Variants in COL6A3 observed in about 807,000 individuals in gnomAD.
COL6A3 encodes the protein collagen alpha-3(VI) chain.
In COL6A3, 137 loss-of-function variants were observed where a neutral mutation model predicts 274.1. The ratio of observed to expected loss-of-function variants is 0.50; its 90% CI spans 0.44 to 0.58. The LOEUF (loss-of-function observed/expected upper bound fraction) is 0.58. COL6A3 is among the 20% of genes least tolerant of loss of function. The pLI, the probability that COL6A3 is intolerant of heterozygous loss-of-function variation, is 0.00. For synonymous variants in COL6A3, 1,650 were observed against 1,650.6 expected, an observed-to-expected ratio of 1.00 and a Z score of 0.01; for missense variants, 3,950 against 4,124.9, an observed-to-expected ratio of 0.96 and a Z score of 1.16.
chr2:237,333,431 T>C lies in COL6A3; in HGVS notation c.9328+19A>G. 1.9e-6 allele frequency: 3 copies of C among 1,607,014 alleles called. No individual in the cohort carries two copies. The highest frequency in any genetic ancestry group is 2.6e-6 in the Non-Finnish European group (3 of 1,173,584). On this transcript the variant is annotated intron_variant, in intron 42 of 43. Transcript: ENST00000295550. The stretch of plus-strand genomic sequence containing the variant: ...ATTTTCTTAGTGCCATTAATGGACC[T>C]AATAGTTTCACAACTCACCTGTTTC...
intron 39 of COL6A3, among the ~76,000 whole-genome samples, chr2:237,338,605 A>G (rs1700666785): frequency 6.6e-6 from 1 of 152,056 alleles, no homozygotes. Context: ...TCTACTGAAA[A>G]AAAAATACAA....
Position 237,378,768 on chromosome 2 carries a change from T to G in COL6A3, c.2365A>C (p.Ile789Leu). The G allele has an allele frequency of 6.2e-7, 1 of 1,614,206 alleles. No individual in the cohort carries two copies. The highest frequency in any genetic ancestry group is 8.5e-7 in the Non-Finnish European group (1 of 1,180,036). ...TACACCAGGCTTGGGTTAAAAGCAA[T>G]CTGCTCAAGCTCTGCCTTATTCGCC... ...SQANKAELEQ[I>L]AFNPSLVYLM... Residue 789 changes from isoleucine to leucine, a missense_variant, in exon 6 of 44, where the codon ATT (isoleucine) becomes CTT (leucine). Around this residue, in one of 5 missense-constraint regions of COL6A3, gnomAD observed 1,934 missense variants for 1,984.3 expected, o/e 0.97. Coordinates refer to ENST00000295550, the MANE Select transcript of COL6A3 (RefSeq NM_004369.4).
At chr2:237,393,486 G>A (rs1198609330) in intron 3 of COL6A3, among the ~76,000 whole-genome samples, 2 of 152,128 alleles carry the variant, frequency 1.3e-5, no homozygotes, top group Non-Finnish European at 2.9e-5. Flanking sequence ...TGGAAACACA[G>A]CCCCTTTTCT....
rs780964113 is a variant in COL6A3 at position 237,342,143 on chromosome 2, C to T, written c.7687G>A (p.Gly2563Arg). 6.2e-7 allele frequency: 1 copy of T among 1,614,006 alleles called. No homozygotes were observed. Among genetic ancestry groups the T allele is most frequent in the African/African-American group, 1.3e-5 (1 of 74,912 alleles). Reference sequence around the variant, plus strand: ...CCTGCAGGCAGGACAAGCGCATGCCCCACTGCTGTGTTATTGATCTGGTTT... The same window carrying T: ...CCTGCAGGCAGGACAAGCGCATGCCTCACTGCTGTGTTATTGATCTGGTTT... ...NALQINNTAV[G>R]HALVLPAGRD... The change falls in exon 37 of 44, where the codon GGG (glycine) becomes AGG (arginine). Residue 2563 changes from glycine (G) to arginine (R), a missense_variant. Physicochemically the swap from Gly to Arg is moderately radical, Grantham distance 125. Around this residue, in one of 5 missense-constraint regions of COL6A3, gnomAD observed 1,284 missense variants for 1,349.7 expected, o/e 0.95. Coordinates refer to ENST00000295550, the MANE Select transcript of COL6A3 (RefSeq NM_004369.4).
chr2:237,347,554 G>A (rs1004731998), intron 31 of COL6A3, among the ~76,000 whole-genome samples: 1 of 152,194 alleles, frequency 6.6e-6, no homozygotes, highest in African/African-American at 2.4e-5. Context: ...TGCTGTGCCT[G>A]GAGTGAGCTG....
In COL6A3 at chr2:237,387,514, T is replaced by C. The variant is rs1322628626; in HGVS notation, c.1312+68A>G. 6 of 1,611,152 alleles carry C rather than the reference T, an allele frequency of 3.7e-6. No homozygotes were observed. In the East Asian group the frequency reaches 1.1e-4, roughly 30 times the overall value. On this transcript the variant is annotated intron_variant, in intron 4 of 43. Transcript: ENST00000295550. ...GTGGCGAATCATGCTGGTACCCACC[T>C]TACGTCTATGTAAACCAACACACAC... is the stretch of plus-strand genomic sequence containing the variant.
chr2:237,369,154 T>G lies in COL6A3; in HGVS notation c.4309A>C (p.Ile1437Leu), dbSNP rs144314743. The change falls in exon 10 of 44, where the codon ATT becomes CTT. Residue 1437 changes from isoleucine (I) to leucine (L), a missense_variant. This residue lies in a region of COL6A3 where 1,934 missense variants were observed against 1,984.3 expected (regional missense o/e 0.97). Transcript: ENST00000295550. Reference protein sequence around the residue: ...PPAVESDAADIVFLIDSSEGV... With the variant: ...PPAVESDAADLVFLIDSSEGV... ...TCAGAGCTGTCGATCAGAAAGACAA[T>G]GTCTGCAGCATCACTCTCAACTGCT... 2.5e-6 allele frequency: 4 copies of G among 1,612,530 alleles called. No homozygotes were observed. The highest frequency in any genetic ancestry group is 1.7e-5 in the Admixed American group (1 of 60,028).
chr2:237,400,598 G>T (rs2078565374), intron 1 of COL6A3, among the ~76,000 whole-genome samples: 1 of 150,768 alleles, frequency 6.6e-6, no homozygotes, highest in South Asian at 2.1e-4. Flanking sequence ...TTAGTATGGG[G>T]TTGAATCGGT....
rs111726447 is a variant in COL6A3, at chr2:237,395,275, C to T, written c.92-71G>A. 8.7e-3 allele frequency: 13,546 copies of T among 1,550,914 alleles called. 493 individuals carry two copies. In the Admixed American group the frequency reaches 0.092, roughly 11 times the overall value. On this transcript the variant is annotated intron_variant, in intron 2 of 43. Transcript: ENST00000295550. ...TTACTTCCTATCAATGCAAAGCCTT[C>T]CTAAACAAATTTGGTTTACACTATA...
intron 16 of COL6A3, among the ~76,000 whole-genome samples, chr2:237,360,861 C>T (rs570208813): frequency 6.6e-6 from 1 of 152,280 alleles, no homozygotes; most frequent in South Asian, 2.1e-4. Context: ...AATTCGGTGT[C>T]CCTCTGGCTC....
rs756380512 is a variant in COL6A3, at chr2:237,388,033, G to A, written c.861C>T (p.Ser287=). Reference sequence around the variant, plus strand: ...AGGAGAACATGGTTCTGGGCTCATCGCTAAACTGGACCACCCCCACTCGGA... The same window carrying A: ...AGGAGAACATGGTTCTGGGCTCATCACTAAACTGGACCACCCCCACTCGGA... ...QQIRVGVVQF[S]DEPRTMFSLD... The change falls in exon 4 of 44, where the codon AGC becomes AGT. Residue 287 remains serine, a synonymous_variant. Transcript: ENST00000295550. 2.8e-5 allele frequency: 46 copies of A among 1,614,182 alleles called. No homozygotes were observed. The highest frequency in any genetic ancestry group is 4.5e-5 in the East Asian group (2 of 44,876).
Position 237,344,804 on chromosome 2 carries a change from A to C in COL6A3, c.7214T>G (p.Phe2405Cys). 1 of 1,611,014 alleles carries C rather than the reference A, an allele frequency of 6.2e-7. No homozygotes were observed. Among genetic ancestry groups the C allele is most frequent in the Non-Finnish European group, 8.5e-7 (1 of 1,179,290 alleles). ...GACTCCCTCAGAGGTGTCTAAAGCA[A>C]AGGCTAGTTCTGTTGGGAAGACGGG... is the stretch of plus-strand genomic sequence containing the variant. ...ECPVFPTELA[F>C]ALDTSEGVNQ... The change falls in exon 36 of 44, where the codon TTT becomes TGT. Residue 2405 changes from phenylalanine (F) to cysteine (C), a missense_variant. Phe to Cys is a radical substitution (Grantham distance 205). Transcript: ENST00000295550. This position sits in a 1 kb window ranked among gnomAD's most constrained non-coding sequence, Gnocchi z 4.8.
At chr2:237,333,978 G>C (rs548596642) in intron 41 of COL6A3, among the ~76,000 whole-genome samples, 1 of 152,336 alleles carries the variant, frequency 6.6e-6, no homozygotes, top group South Asian at 2.1e-4. Context: ...TCCTGGAGCA[G>C]TGGGGGTCAA....
chr2:237,332,117 A>ATATATTATATATATATG (rs35490728), intron 42 of COL6A3, among the ~76,000 whole-genome samples: 1 of 64,170 alleles, frequency 1.6e-5, no homozygotes, highest in Admixed American at 2.0e-4. Flanking sequence ...ATATATATAT[A>ATATATTATATATATATG]TGAAAAGAAA....
At position 237,377,086 on chromosome 2, in the gene COL6A3, G is replaced by A. The variant is rs115327470; in HGVS notation, c.2756C>T (p.Ala919Val). ...AATGTACCTCTGTGCATAGTCCAGC[G>A]CGTAGCCCAGGTTGAGGGCTTTGCC... ...KTGKALNLGY[A>V]LDYAQRYIFV... is the part of the protein sequence containing the mutation. The change falls in exon 7 of 44, where the codon GCG becomes GTG. Residue 919 changes from alanine (A) to valine (V), a missense_variant. By Grantham distance (64) the Ala-to-Val change is moderately conservative. This residue lies in a region of COL6A3 where 1,934 missense variants were observed against 1,984.3 expected (regional missense o/e 0.97). Transcript: ENST00000295550. 25 of 1,614,176 alleles carry A rather than the reference G, an allele frequency of 1.5e-5. No homozygotes were observed. In the East Asian group the frequency reaches 1.8e-4, roughly 12 times the overall value.
chr2:237,350,994 G>C (rs756767351), intron 27 of COL6A3, 136 bp downstream of exon 27: 18 of 818,510 alleles, frequency 2.2e-5, no homozygotes, highest in African/African-American at 5.0e-5. Flanking sequence ...GCCAAGCCGC[G>C]ATCAACAGGG....
rs746263789 is a variant in COL6A3, at chr2:237,368,886, T to A, written c.4577A>T (p.Asn1526Ile). The change falls in exon 10 of 44, where the codon AAC becomes ATC. Residue 1526 changes from asparagine to isoleucine, a missense_variant. Transcript: ENST00000295550. This position sits in a 1 kb window ranked among gnomAD's most constrained non-coding sequence, Gnocchi z 4.4. Reference sequence around the variant, plus strand: ...ACTCCCCGCAGACTTAACAAAGAGGTTTCTTGCCACAAATTCGAGAGCCTT... The same window carrying A: ...ACTCCCCGCAGACTTAACAAAGAGGATTCTTGCCACAAATTCGAGAGCCTT... ...TGKALEFVAR[N>I]LFVKSAGSRI... The A allele has an allele frequency of 6.2e-7, 1 of 1,614,158 alleles. No homozygotes were observed. The highest frequency in any genetic ancestry group is 8.5e-7 in the Non-Finnish European group (1 of 1,180,022).
intron 36 of COL6A3, chr2:237,342,514 TC>T: frequency 3.5e-6 from 1 of 281,748 alleles, no homozygotes; most frequent in Non-Finnish European, 6.9e-6. Flanking sequence ...AGGAACTTAA[TC>T]TTATCGTTAT....
At chr2:237,357,288 A>G (rs764274993) in intron 23 of COL6A3, 50 bp downstream of exon 23, 79 of 1,520,082 alleles carry the variant, frequency 5.2e-5, no homozygotes, top group Non-Finnish European at 6.9e-5. Flanking sequence ...GGCAGATCTT[A>G]TGGCACTAAG....
Sources: allele counts gnomAD v4.1 joint callset (sites outside exome capture counted in the v4.1 genomes callset), GRCh38; gene constraint gnomAD v4.1.1; regional missense constraint gnomAD v4.1.1; non-coding constraint Gnocchi (gnomAD v3.1); transcripts MANE v1.5; gene names NCBI Gene and HGNC (gene_info 2026-07-23, HGNC 2026-07-21).